Variants in BRD1 observed in about 807,000 individuals in gnomAD.
The protein encoded by BRD1 is bromodomain containing 1.
A neutral mutation model predicts 107.7 loss-of-function variants in BRD1; 24 were observed. The ratio of observed to expected loss-of-function variants is 0.22; its 90% confidence interval spans 0.16 to 0.31. The LOEUF is 0.31. Among genes scored for constraint, BRD1 ranks in the 10% least tolerant of loss-of-function variants. The pLI is 1.00. For missense variants in BRD1, 1,279 were observed against 1,638.6 expected, an observed-to-expected ratio of 0.78 and a Z score of 3.79; for synonymous variants, 744 against 686.1, an observed-to-expected ratio of 1.08 and a Z score of -1.32.
In BRD1 at chr22:49,803,656, T is replaced by A. The variant is rs1355060096; in HGVS notation, c.1524+548A>T. Among the ~76,000 whole-genome samples, 1 of 152,152 alleles carries A rather than the reference T, an allele frequency of 6.6e-6. No homozygotes were observed. The highest frequency in any genetic ancestry group is 1.5e-5 in the Non-Finnish European group (1 of 68,024). ...TTCTTTTAAAAAGGAAAAGTCCTGC[T>A]CCTTCCCTCCCACTCTCTCAGCTCT... On this transcript the variant is annotated intron_variant, in intron 3 of 12. Coordinates refer to ENST00000404760, the MANE Select transcript of BRD1 (RefSeq NM_001304808.3). This position sits in a 1 kb window ranked among gnomAD's most constrained non-coding sequence, Gnocchi z 4.4.
chr22:49,826,264 C>T (rs2060147977), intron 1 of BRD1: 2 of 985,292 alleles, frequency 2.0e-6, no homozygotes, highest in Non-Finnish European at 2.4e-6. Context: ...AGCTCTTCAT[C>T]GCAACACTTT....
chr22:49,809,541 CAA>C (rs138862), intron 2 of BRD1, among the ~76,000 whole-genome samples: 17 of 146,084 alleles, frequency 1.2e-4, no homozygotes, highest in Non-Finnish European at 7.4e-5. Context: ...ACTTCGTCTC[CAA>C]AAAAAATATA....
intron 8 of BRD1, among the ~76,000 whole-genome samples, chr22:49,784,484 G>A (rs117331818): frequency 5.4e-4 from 82 of 152,354 alleles, no homozygotes; most frequent in Non-Finnish European, 1.1e-3. Flanking sequence ...CTGGGCCATC[G>A]CAGGAACAGA....
chr22:49,824,186 A>G lies in BRD1; in HGVS notation c.132T>C (p.Ile44=). The G allele has an allele frequency of 6.2e-7, 1 of 1,613,890 alleles. No homozygotes were observed. The highest frequency in any genetic ancestry group is 8.5e-7 in the Non-Finnish European group (1 of 1,180,022). Residue 44 remains isoleucine (I), a synonymous_variant, in exon 2 of 13, where the codon ATT becomes ATC. Coordinates refer to ENST00000404760, the MANE Select transcript of BRD1 (RefSeq NM_001304808.3). This position sits in a 1 kb window ranked among gnomAD's most constrained non-coding sequence, Gnocchi z 5.9. ...AQAQRMVEIE[I]EGRLHRISIF... is the part of the protein sequence containing the mutation. ...TACTGATCCTGTGCAAGCGCCCTTC[A>G]ATTTCTATCTCTACCATCCTTTGAG...
chr22:49,791,279 T>C (rs146883749), intron 7 of BRD1, among the ~76,000 whole-genome samples: 1 of 152,324 alleles, frequency 6.6e-6, no homozygotes, highest in African/African-American at 2.4e-5. Context: ...GGAGGGCCTG[T>C]ACAAGGGGCA....
Position 49,824,811 on chromosome 22 carries a change from C to G in BRD1, c.-14-480G>C, listed in dbSNP as rs112691152. 0.052 allele frequency: 52,060 copies of G among 1,008,784 alleles called. 1,498 individuals carry two copies. The highest frequency in any genetic ancestry group is 0.058 in the Middle Eastern group (115 of 1,968). The allele number at this position is 1,008,784 out of a possible 1,614,324, so 62.5% of individuals were successfully genotyped here. ...CTACCTGGTCCTATCGGATGCTCCC[C>G]CTAAACCACTCTTCCCCTCCCCACT... On this transcript the variant is annotated intron_variant, in intron 1 of 12. Coordinates refer to ENST00000404760, the MANE Select transcript of BRD1 (RefSeq NM_001304808.3). This position sits in a 1 kb window ranked among gnomAD's most constrained non-coding sequence, Gnocchi z 5.9.
In BRD1 at chr22:49,823,457, G is replaced by A. The variant is rs752269283; in HGVS notation, c.861C>T (p.Asp287=). The stretch of plus-strand genomic sequence containing the variant: ...GGGCACACACCACGTGACCCCAGCG[G>A]TCGTCATCTGTCTTTTTGAAGGCAC... ...KGGAFKKTDD[D]RWGHVVCALW... is the part of the protein sequence containing the mutation. The change falls in exon 2 of 13, where the codon GAC becomes GAT. Residue 287 remains aspartate, a synonymous_variant. Coordinates refer to ENST00000404760, the MANE Select transcript of BRD1 (RefSeq NM_001304808.3). 8 of 1,610,040 alleles carry A rather than the reference G, an allele frequency of 5.0e-6. No homozygotes were observed. The highest frequency in any genetic ancestry group is 1.3e-5 in the African/African-American group (1 of 75,036).
rs2059066810 is a variant in BRD1, at chr22:49,775,576, G to GGCCTCTC, written c.3386+8_3386+14dup. The GGCCTCTC allele has an allele frequency of 6.4e-7, 1 of 1,567,234 alleles. No individual in the cohort carries two copies. The highest frequency in any genetic ancestry group is 8.7e-7 in the Non-Finnish European group (1 of 1,155,358). On this transcript the variant is annotated intron_variant, in intron 12 of 12. Transcript: ENST00000404760. Reference sequence around the variant, plus strand: ...ACCCCAGCCGGTCCCCGGAGTCTAAGGCCTCTCAACTCACCAACTTCTCTT... The same window carrying GGCCTCTC: ...ACCCCAGCCGGTCCCCGGAGTCTAAGGCCTCTCGCCTCTCAACTCACCAACTTCTCTT...
At position 49,821,968 on chromosome 22, in the gene BRD1, T is replaced by TG. The variant is rs1305261241; in HGVS notation, c.1367+982dup. Among the ~76,000 whole-genome samples, 16 of 152,240 alleles carry TG rather than the reference T, an allele frequency of 1.1e-4. No homozygotes were observed. The East Asian group carries it at 2.9e-3, about 28-fold the overall frequency. On this transcript the variant is annotated intron_variant, in intron 2 of 12. Coordinates refer to ENST00000404760, the MANE Select transcript of BRD1 (RefSeq NM_001304808.3). ...CTTTCCTCAGGGCATCTGCAGCAAG[T>TG]GGGGGGCACAGCACGGGAAACGGGG...
rs770848721 is a variant in BRD1 at position 49,797,908 on chromosome 22, C to A, written c.1995G>T (p.Gln665His). 3 of 1,614,174 alleles carry A rather than the reference C, an allele frequency of 1.9e-6. No individual in the cohort carries two copies. Among genetic ancestry groups the A allele is most frequent in the Non-Finnish European group, 2.5e-6 (3 of 1,180,048 alleles). ...LRDQGGVVLR[Q>H]ARREVDSIGL... The stretch of plus-strand genomic sequence containing the variant: ...CGATGCTGTCCACCTCGCGCCGGGC[C>A]TGCCTCAGAACAACACCTCCCTGAT... The change falls in exon 6 of 13, where the codon CAG becomes CAT. Residue 665 changes from glutamine to histidine, a missense_variant. Physicochemically the swap from Gln to His is conservative, Grantham distance 24. This residue lies in a region of BRD1 where 406 missense variants were observed against 519.4 expected (regional missense o/e 0.78). Coordinates refer to ENST00000404760, the MANE Select transcript of BRD1 (RefSeq NM_001304808.3).
At chr22:49,791,682 G>A (rs772268970) in intron 7 of BRD1, among the ~76,000 whole-genome samples, 2 of 151,864 alleles carry the variant, frequency 1.3e-5, no homozygotes, top group South Asian at 2.1e-4. Context: ...TCTGGCACTC[G>A]CCTCTCCACA....
In BRD1 at chr22:49,787,712, T is replaced by C. The variant is rs780554730; in HGVS notation, c.2535A>G (p.Ala845=). Residue 845 remains alanine (A), a synonymous_variant, in exon 8 of 13, where the codon GCA becomes GCG. Coordinates refer to ENST00000404760, the MANE Select transcript of BRD1 (RefSeq NM_001304808.3). ...GCTCTGGAGGGCGTCCGCTTACCAG[T>C]GCGCTCTGAGTGCAAGCGCTATGTG... The part of the protein sequence containing the change: ...NESHSACTQS[A]LVSGRPPEPT... The C allele has an allele frequency of 6.4e-7, 1 of 1,550,806 alleles. No individual in the cohort carries two copies.
Position 49,824,268 on chromosome 22 carries a change from G to C in BRD1, c.50C>G (p.Ser17Cys). ...CHRGSAARHP[S>C]SPCSVKHSPT... ...GGAGTGTTTAACACTGCATGGGGAA[G>C]AAGGATGCCTCGCTGCAGAGCCTCG... Residue 17 changes from serine (S) to cysteine (C), a missense_variant, in exon 2 of 13, where the codon TCT (serine) becomes TGT (cysteine). Ser to Cys is a moderately radical substitution (Grantham distance 112). Around this residue, in one of 7 missense-constraint regions of BRD1, gnomAD observed 223 missense variants for 263.5 expected, o/e 0.85. Transcript: ENST00000404760. This position sits in a 1 kb window ranked among gnomAD's most constrained non-coding sequence, Gnocchi z 5.9. 6.2e-7 allele frequency: 1 copy of C among 1,614,006 alleles called. No homozygotes were observed. The highest frequency in any genetic ancestry group is 8.5e-7 in the Non-Finnish European group (1 of 1,180,018).
chr22:49,800,486 T>G (rs1455017725), intron 3 of BRD1, among the ~76,000 whole-genome samples: 1 of 152,166 alleles, frequency 6.6e-6, no homozygotes, highest in Non-Finnish European at 1.5e-5. Flanking sequence ...TCCCTCAGCT[T>G]GCAATCGACA....
At chr22:49,789,497 C>G (rs112984761) in intron 7 of BRD1, among the ~76,000 whole-genome samples, 10,994 of 150,962 alleles carry the variant, frequency 0.073, 578 homozygotes, top group South Asian at 0.15. Context: ...GCCTCCCCCC[C>G]CCGCCCCGAG....
At chr22:49,815,728 C>T (rs574488648) in intron 2 of BRD1, among the ~76,000 whole-genome samples, 84 of 152,304 alleles carry the variant, frequency 5.5e-4, no homozygotes, top group South Asian at 1.2e-3. Context: ...GTGTCTGAAA[C>T]GGCATTCAGG....
rs759714985 is a variant in BRD1, at chr22:49,777,802, C to G, written c.2869G>C (p.Gly957Arg). 5 of 1,601,006 alleles carry G rather than the reference C, an allele frequency of 3.1e-6. No individual in the cohort carries two copies. The East Asian group carries it at 1.1e-4, about 36-fold the overall frequency. The change falls in exon 9 of 13, where the codon GGC becomes CGC. Residue 957 changes from glycine (G) to arginine (R), a missense_variant. Physicochemically the swap from Gly to Arg is moderately radical, Grantham distance 125. Coordinates refer to ENST00000404760, the MANE Select transcript of BRD1 (RefSeq NM_001304808.3). ...GKRLDAGLTN[G>R]FGGARSEQEP... ...TGCTCGCTCCTCGCACCCCCAAAGC[C>G]GTTGGTGAGACCTGGAACACAGGCG...
chr22:49,827,565 T>C lies in BRD1; in HGVS notation c.-83A>G, dbSNP rs986893353. ...GCGGGGGCCGGCGCGGCCGAGGCGGTGCTAATGGCGCCCGCGGCTCCTCCG... is the reference window on the plus strand; with the variant it reads ...GCGGGGGCCGGCGCGGCCGAGGCGGCGCTAATGGCGCCCGCGGCTCCTCCG... On this transcript the variant is annotated 5_prime_UTR_variant, in exon 1 of 13. Coordinates refer to ENST00000404760, the MANE Select transcript of BRD1 (RefSeq NM_001304808.3). The C allele has an allele frequency of 7.2e-6, 1 of 138,302 alleles. No homozygotes were observed. The highest frequency in any genetic ancestry group is 1.6e-5 in the Non-Finnish European group (1 of 63,326). 8.6% of individuals were successfully genotyped at this position (138,302 alleles called of 1,614,324 possible).
At chr22:49,788,362 C>A (rs1387020971) in intron 7 of BRD1, among the ~76,000 whole-genome samples, 2 of 150,548 alleles carry the variant, frequency 1.3e-5, no homozygotes, top group South Asian at 2.1e-4. Flanking sequence ...AATGCAAAAA[C>A]AAACAAACAA....
Sources: allele counts gnomAD v4.1 joint callset (sites outside exome capture counted in the v4.1 genomes callset), GRCh38; gene constraint gnomAD v4.1.1; regional missense constraint gnomAD v4.1.1; non-coding constraint Gnocchi (gnomAD v3.1); transcripts MANE v1.5; gene names NCBI Gene and HGNC (gene_info 2026-07-23, HGNC 2026-07-21).